The following ZNF830 variants were observed in gnomAD, a reference collection of about 807,000 sequenced individuals.
The protein encoded by ZNF830 is coiled-coil domain containing 16.
In ZNF830, 15 loss-of-function variants were observed where a neutral mutation model predicts 28.1. That is an observed-to-expected ratio of 0.53 (90% CI 0.36 to 0.82). The LOEUF (loss-of-function observed/expected upper bound fraction) is 0.82. ZNF830 is among the 40% of genes least tolerant of loss of function. The pLI, the probability that ZNF830 is intolerant of heterozygous loss-of-function variation, is 0.01. For synonymous variants in ZNF830, 208 were observed against 185.3 expected, an observed-to-expected ratio of 1.12 and a Z score of -0.99; for missense variants, 456 against 467.7, an observed-to-expected ratio of 0.97 and a Z score of 0.23.
rs1253098500 is a variant in ZNF830, at chr17:34,962,587, C to T, written c.1021C>T (p.Leu341=). 6.2e-7 allele frequency: 1 copy of T among 1,613,576 alleles called. No homozygotes were observed. The highest frequency in any genetic ancestry group is 8.5e-7 in the Non-Finnish European group (1 of 1,179,932). ...TAAAGAAATCCTGACCATAAAAGAACTGCAGAAAAAGGAAGAAGAGAATGC... is the reference window on the plus strand; with the variant it reads ...TAAAGAAATCCTGACCATAAAAGAATTGCAGAAAAAGGAAGAAGAGAATGC... The part of the protein sequence containing the change: ...KLKEILTIKE[L]QKKEEENADS... Residue 341 remains leucine, a synonymous_variant, in exon 1 of 1, where the codon CTG becomes TTG. Transcript: ENST00000361952.
Position 34,961,634 on chromosome 17 carries a change from G to T in ZNF830, c.68G>T (p.Arg23Leu). The T allele has an allele frequency of 6.2e-7, 1 of 1,614,178 alleles. No individual in the cohort carries two copies. The highest frequency in any genetic ancestry group is 8.5e-7 in the Non-Finnish European group (1 of 1,180,040). The change falls in exon 1 of 1, where the codon CGG (arginine) becomes CTG (leucine). Residue 23 changes from arginine to leucine, a missense_variant. This residue lies in a region of ZNF830 where 331 missense variants were observed against 290.1 expected (regional missense o/e 1.14). Transcript: ENST00000361952. ...KRVINQEELRRLMKEKQRLST... is the reference protein window; with the variant it reads ...KRVINQEELRLLMKEKQRLST... ...GTGATAAATCAGGAAGAATTGCGGC[G>T]GTTAATGAAGGAGAAGCAGCGTCTG...
Position 34,962,492 on chromosome 17 carries a change from A to T in ZNF830, c.926A>T (p.Asp309Val). The change falls in exon 1 of 1, where the codon GAT becomes GTT. Residue 309 changes from aspartate to valine, a missense_variant. Transcript: ENST00000361952. ...TTGGACCGCCAGATTGGGGAGATCG[A>T]TGAGCAGATAGAGTGTTACCGACGG... The part of the protein sequence containing the change: ...GRLDRQIGEI[D>V]EQIECYRRVE... 6.2e-7 allele frequency: 1 copy of T among 1,614,244 alleles called. No individual in the cohort carries two copies. The highest frequency in any genetic ancestry group is 8.5e-7 in the Non-Finnish European group (1 of 1,180,042).
In ZNF830 at chr17:34,962,946, T is replaced by C. The variant is rs553963194; in HGVS notation, c.*261T>C. 285 of 385,030 alleles carry C rather than the reference T, an allele frequency of 7.4e-4. No homozygotes were observed. The highest frequency in any genetic ancestry group is 2.2e-3 in the South Asian group (30 of 13,678). 23.9% of individuals were successfully genotyped at this position (385,030 alleles called of 1,614,324 possible). On this transcript the variant is annotated 3_prime_UTR_variant, in exon 1 of 1. Transcript: ENST00000361952. ...TCCACGACAGACTTAACTGTATAAT[T>C]TCGTTGTAAAATCTGTAAGTTGTAA...
At position 34,962,137 on chromosome 17, in the gene ZNF830, G is replaced by T; in HGVS notation, c.571G>T (p.Glu191Ter). 6.2e-7 allele frequency: 1 copy of T among 1,614,172 alleles called. No individual in the cohort carries two copies. The highest frequency in any genetic ancestry group is 8.5e-7 in the Non-Finnish European group (1 of 1,180,040). ...SKPLSDAQGKEHSVSSSREVT... is the reference protein window; with the variant it reads ...SKPLSDAQGK The stretch of plus-strand genomic sequence containing the variant: ...GCCGCTCTCCGACGCACAGGGCAAG[G>T]AGCACTCAGTTTCCTCTTCACGGGA... Residue 191 changes from glutamate to a stop codon, truncating the protein, a stop_gained, in exon 1 of 1, where the codon GAG (glutamate) becomes TAG (stop). Coordinates refer to ENST00000361952, the MANE Select transcript of ZNF830 (RefSeq NM_052857.4). LOFTEE classifies it high-confidence loss of function.
In ZNF830 at chr17:34,962,895, G is replaced by A. The variant is rs1255125622; in HGVS notation, c.*210G>A. On this transcript the variant is annotated 3_prime_UTR_variant, in exon 1 of 1. Coordinates refer to ENST00000361952, the MANE Select transcript of ZNF830 (RefSeq NM_052857.4). ...TAAAGTTGTTTTTGAAATTTCTGAA[G>A]TGTTATATACCAAAATGCCAACATT... 14 of 807,072 alleles carry A rather than the reference G, an allele frequency of 1.7e-5. No individual in the cohort carries two copies. Among genetic ancestry groups the A allele is most frequent in the Non-Finnish European group, 2.5e-5 (14 of 565,826 alleles). The allele number at this position is 807,072 out of a possible 1,614,324, so 50.0% of individuals were successfully genotyped here. A position where few individuals can be genotyped will look rare whatever the true frequency, so the allele number is the denominator to read the frequency against.
Position 34,961,556 on chromosome 17 carries a change from T to C in ZNF830, c.-11T>C. 6.2e-7 allele frequency: 1 copy of C among 1,612,226 alleles called. No individual in the cohort carries two copies. Among genetic ancestry groups the C allele is most frequent in the Non-Finnish European group, 8.5e-7 (1 of 1,178,760 alleles). On this transcript the variant is annotated 5_prime_UTR_variant, in exon 1 of 1. Transcript: ENST00000361952. ...ACGGAAACCAGAATCGTTTTGGGTC[T>C]GGTCGCCAAGATGGCGTCCTCCGCC...
chr17:34,961,566 G>C lies in ZNF830; in HGVS notation c.-1G>C. On this transcript the variant is annotated 5_prime_UTR_variant, in exon 1 of 1. Coordinates refer to ENST00000361952, the MANE Select transcript of ZNF830 (RefSeq NM_052857.4). ...GAATCGTTTTGGGTCTGGTCGCCAAGATGGCGTCCTCCGCCTCCGCCCGGA... is the reference window on the plus strand; with the variant it reads ...GAATCGTTTTGGGTCTGGTCGCCAACATGGCGTCCTCCGCCTCCGCCCGGA... 1.2e-6 allele frequency: 2 copies of C among 1,613,290 alleles called. No individual in the cohort carries two copies. Among genetic ancestry groups the C allele is most frequent in the Non-Finnish European group, 1.7e-6 (2 of 1,179,396 alleles).
At position 34,961,578 on chromosome 17, in the gene ZNF830, C is replaced by G. The variant is rs748157522; in HGVS notation, c.12C>G (p.Ser4=). The part of the protein sequence containing the change: MAS[S]ASARTPAGKR... Reference sequence around the variant, plus strand: ...GTCTGGTCGCCAAGATGGCGTCCTCCGCCTCCGCCCGGACTCCGGCAGGGA... The same window carrying G: ...GTCTGGTCGCCAAGATGGCGTCCTCGGCCTCCGCCCGGACTCCGGCAGGGA... The change falls in exon 1 of 1, where the codon TCC becomes TCG. Residue 4 remains serine, a synonymous_variant. Coordinates refer to ENST00000361952, the MANE Select transcript of ZNF830 (RefSeq NM_052857.4). 1 of 1,613,564 alleles carries G rather than the reference C, an allele frequency of 6.2e-7. No homozygotes were observed.
chr17:34,962,363 C>G lies in ZNF830; in HGVS notation c.797C>G (p.Pro266Arg). 6.2e-7 allele frequency: 1 copy of G among 1,614,010 alleles called. No individual in the cohort carries two copies. Among genetic ancestry groups the G allele is most frequent in the Non-Finnish European group, 8.5e-7 (1 of 1,180,028 alleles). ...GCAAGAGTACGAAAGGTTGATGCTC[C>G]AAAAGATCAGATGGACAAAGAGTGG... is the stretch of plus-strand genomic sequence containing the variant. ...VDARVRKVDAPKDQMDKEWDE... is the reference protein window; with the variant it reads ...VDARVRKVDARKDQMDKEWDE... The change falls in exon 1 of 1, where the codon CCA (proline) becomes CGA (arginine). Residue 266 changes from proline (P) to arginine (R), a missense_variant. By Grantham distance (103) the Pro-to-Arg change is moderately radical. Around this residue, in one of 2 missense-constraint regions of ZNF830, gnomAD observed 125 missense variants for 177.7 expected, o/e 0.70. Coordinates refer to ENST00000361952, the MANE Select transcript of ZNF830 (RefSeq NM_052857.4).
chr17:34,962,469 G>A lies in ZNF830; in HGVS notation c.903G>A (p.Leu301=). The change falls in exon 1 of 1, where the codon TTG becomes TTA. Residue 301 remains leucine (L), a synonymous_variant. Transcript: ENST00000361952. ...IVAEEDEEGR[L]DRQIGEIDEQ... ...CCGAAGAGGATGAGGAGGGACGGTT[G>A]GACCGCCAGATTGGGGAGATCGATG... is the stretch of plus-strand genomic sequence containing the variant. The A allele has an allele frequency of 6.2e-7, 1 of 1,614,174 alleles. No homozygotes were observed. The highest frequency in any genetic ancestry group is 8.5e-7 in the Non-Finnish European group (1 of 1,180,026).
chr17:34,962,703 G>C lies in ZNF830; in HGVS notation c.*18G>C, dbSNP rs757623319. On this transcript the variant is annotated 3_prime_UTR_variant, in exon 1 of 1. Coordinates refer to ENST00000361952, the MANE Select transcript of ZNF830 (RefSeq NM_052857.4). ...TGTTATAGGGTTTTAAAGACCCAAG[G>C]TTTCTAACAGCCTCTGCTGTTGTAT... 6.4e-7 allele frequency: 1 copy of C among 1,555,022 alleles called. No individual in the cohort carries two copies. Among genetic ancestry groups the C allele is most frequent in the East Asian group, 2.2e-5 (1 of 44,660 alleles).
rs770130690 is a variant in ZNF830, at chr17:34,962,052, GGAGGAGGAGGAA to G, written c.500_511del (p.Glu167_Glu170del). 136 of 1,605,130 alleles carry G rather than the reference GGAGGAGGAGGAA, an allele frequency of 8.5e-5. 1 individual carries two copies. Among genetic ancestry groups the G allele is most frequent in the Admixed American group, 5.2e-4 (31 of 59,586 alleles). On this transcript the variant is annotated inframe_deletion, in exon 1 of 1. Coordinates refer to ENST00000361952, the MANE Select transcript of ZNF830 (RefSeq NM_052857.4). ...GTTTACTCCCCGATTATGAAGATGAGGAGGAGGAGGAAGAGGAGGAGGAAGGAGATGGAGAAA... is the reference window on the plus strand; with the variant it reads ...GTTTACTCCCCGATTATGAAGATGAGGAGGAGGAGGAAGGAGATGGAGAAA...
chr17:34,962,182 C>T lies in ZNF830; in HGVS notation c.616C>T (p.Pro206Ser), dbSNP rs2090429060. 1 of 1,614,094 alleles carries T rather than the reference C, an allele frequency of 6.2e-7. No individual in the cohort carries two copies. Among genetic ancestry groups the T allele is most frequent in the Non-Finnish European group, 8.5e-7 (1 of 1,180,040 alleles). The change falls in exon 1 of 1, where the codon CCA (proline) becomes TCA (serine). Residue 206 changes from proline to serine, a missense_variant. This residue lies in a region of ZNF830 where 331 missense variants were observed against 290.1 expected (regional missense o/e 1.14). Coordinates refer to ENST00000361952, the MANE Select transcript of ZNF830 (RefSeq NM_052857.4). ...SSREVTSSVL[P>S]NDFFSTNPPK... is the part of the protein sequence containing the mutation. The stretch of plus-strand genomic sequence containing the variant: ...ACGGGAGGTAACAAGTAGTGTGCTG[C>T]CAAACGATTTCTTTAGTACTAATCC...
rs139250767 is a variant in ZNF830 at position 34,962,869 on chromosome 17, G to A, written c.*184G>A. On this transcript the variant is annotated 3_prime_UTR_variant, in exon 1 of 1. Transcript: ENST00000361952. ...AAAATTTGTGTAACATGTTTTTGAG[G>A]TAAAGTTGTTTTTGAAATTTCTGAA... 11 of 1,124,324 alleles carry A rather than the reference G, an allele frequency of 9.8e-6. No individual in the cohort carries two copies. In the East Asian group the frequency reaches 2.9e-4, roughly 30 times the overall value. 69.6% of individuals were successfully genotyped at this position (1,124,324 alleles called of 1,614,324 possible).
In ZNF830 at chr17:34,962,328, T is replaced by G. The variant is rs2090430631; in HGVS notation, c.762T>G (p.Pro254=). ...EALPEGFFDD[P]EVDARVRKVD... ...TACCGGAAGGTTTTTTTGACGACCC[T>G]GAGGTAGATGCAAGAGTACGAAAGG... The change falls in exon 1 of 1, where the codon CCT becomes CCG. Residue 254 remains proline (P), a synonymous_variant. Transcript: ENST00000361952. 1 of 1,614,056 alleles carries G rather than the reference T, an allele frequency of 6.2e-7. No individual in the cohort carries two copies. The highest frequency in any genetic ancestry group is 8.5e-7 in the Non-Finnish European group (1 of 1,180,032).
Position 34,962,781 on chromosome 17 carries a change from G to T in ZNF830, c.*96G>T. Reference sequence around the variant, plus strand: ...CGGTTACTTCATGCCTCAAGATTTGGGTACCTGGATTGCTAAACTGGATTG... The same window carrying T: ...CGGTTACTTCATGCCTCAAGATTTGTGTACCTGGATTGCTAAACTGGATTG... On this transcript the variant is annotated 3_prime_UTR_variant, in exon 1 of 1. Coordinates refer to ENST00000361952, the MANE Select transcript of ZNF830 (RefSeq NM_052857.4). 6.8e-7 allele frequency: 1 copy of T among 1,476,222 alleles called. No individual in the cohort carries two copies. The highest frequency in any genetic ancestry group is 9.0e-7 in the Non-Finnish European group (1 of 1,116,152). The allele number at this position is 1,476,222 out of a possible 1,614,324, so 91.4% of individuals were successfully genotyped here. A position where few individuals can be genotyped will look rare whatever the true frequency, so the allele number is the denominator to read the frequency against.
At position 34,962,789 on chromosome 17, in the gene ZNF830, G is replaced by T; in HGVS notation, c.*104G>T. The stretch of plus-strand genomic sequence containing the variant: ...TCATGCCTCAAGATTTGGGTACCTG[G>T]ATTGCTAAACTGGATTGTTGAGATA... On this transcript the variant is annotated 3_prime_UTR_variant, in exon 1 of 1. Coordinates refer to ENST00000361952, the MANE Select transcript of ZNF830 (RefSeq NM_052857.4). The T allele has an allele frequency of 6.8e-7, 1 of 1,477,230 alleles. No individual in the cohort carries two copies. Among genetic ancestry groups the T allele is most frequent in the South Asian group, 1.5e-5 (1 of 65,578 alleles). 91.5% of individuals were successfully genotyped at this position (1,477,230 alleles called of 1,614,324 possible).
rs1373722262 is a variant in ZNF830, at chr17:34,962,223, A to G, written c.657A>G (p.Ile219Met). 6.2e-7 allele frequency: 1 copy of G among 1,613,946 alleles called. No homozygotes were observed. Among genetic ancestry groups the G allele is most frequent in the Non-Finnish European group, 8.5e-7 (1 of 1,180,026 alleles). ...GTACTAATCCTCCCAAGGCCCCCATAATTCCTCATTCAGGGTCAATTGAGA... is the reference window on the plus strand; with the variant it reads ...GTACTAATCCTCCCAAGGCCCCCATGATTCCTCATTCAGGGTCAATTGAGA... ...FFSTNPPKAP[I>M]IPHSGSIEKA... The change falls in exon 1 of 1, where the codon ATA becomes ATG. Residue 219 changes from isoleucine (I) to methionine (M), a missense_variant. Transcript: ENST00000361952.
In ZNF830 at chr17:34,962,142, C is replaced by T. The variant is rs768795498; in HGVS notation, c.576C>T (p.His192=). ...TCTCCGACGCACAGGGCAAGGAGCACTCAGTTTCCTCTTCACGGGAGGTAA... is the reference window on the plus strand; with the variant it reads ...TCTCCGACGCACAGGGCAAGGAGCATTCAGTTTCCTCTTCACGGGAGGTAA... ...KPLSDAQGKE[H]SVSSSREVTS... The change falls in exon 1 of 1, where the codon CAC becomes CAT. Residue 192 remains histidine (H), a synonymous_variant. Transcript: ENST00000361952. The T allele has an allele frequency of 6.2e-6, 10 of 1,614,054 alleles. No individual in the cohort carries two copies. Among genetic ancestry groups the T allele is most frequent in the African/African-American group, 4.0e-5 (3 of 74,914 alleles).
Sources: gnomAD v4.1 joint callset for allele counts on GRCh38, gnomAD v4.1.1 for gene constraint, gnomAD v4.1.1 regional missense constraint, MANE v1.5 for transcripts, NCBI Gene and HGNC (gene_info 2026-07-23, HGNC 2026-07-21) for gene names.